ENPP2: variants seen among roughly 807,000 people sequenced by gnomAD.
ENPP2 encodes ectonucleotide pyrophosphatase/phosphodiesterase 2.
Under a neutral mutation model 120.2 loss-of-function variants are expected in ENPP2, and 51 were observed. The observed-to-expected ratio is 0.42, with a 90% CI of 0.34 to 0.54. ENPP2 has a LOEUF of 0.54. Ranked by LOEUF, ENPP2 falls within the 20% of genes least tolerant of loss-of-function variation. ENPP2 has a pLI of 0.04. For missense variants in ENPP2, 920 were observed against 1,066.5 expected, an observed-to-expected ratio of 0.86 and a Z score of 1.91; for synonymous variants, 365 against 366.4, an observed-to-expected ratio of 1.00 and a Z score of 0.04.
chr8:119,646,046 G>T (rs1437138118), intron 1 of ENPP2, among the ~76,000 whole-genome samples: 1 of 150,984 alleles, frequency 6.6e-6, no homozygotes, highest in South Asian at 2.1e-4. Context: ...TCGGCTCACC[G>T]CAGCCTCCGC....
intron 1 of ENPP2, among the ~76,000 whole-genome samples, chr8:119,660,693 T>A (rs964506): frequency 0.34 from 52,393 of 152,024 alleles, 9,257 homozygotes; most frequent in East Asian, 0.55. Flanking sequence ...ACAGCTTCAA[T>A]GAGAGTTTTG....
chr8:119,670,566 G>A (rs1050971971), intron 1 of ENPP2, among the ~76,000 whole-genome samples: 3 of 152,130 alleles, frequency 2.0e-5, no homozygotes, highest in Non-Finnish European at 4.4e-5. Flanking sequence ...TTGTAATAAA[G>A]AATGGTAAGT....
intron 1 of ENPP2, among the ~76,000 whole-genome samples, chr8:119,644,761 C>T (rs1178448138): frequency 6.6e-6 from 1 of 150,916 alleles, no homozygotes; most frequent in Non-Finnish European, 1.5e-5. Flanking sequence ...TAGGAAATAA[C>T]TCAGCTTTGT....
At chr8:119,637,539 T>C in intron 2 of ENPP2, among the ~76,000 whole-genome samples, 1 of 152,112 alleles carries the variant, frequency 6.6e-6, no homozygotes, top group East Asian at 1.9e-4. Flanking sequence ...AACAATCAGA[T>C]CAAGACATAC....
intron 14 of ENPP2, 21 bp from the exon 15 acceptor site, chr8:119,586,334 A>G: frequency 6.2e-7 from 1 of 1,612,424 alleles, no homozygotes; most frequent in Non-Finnish European, 8.5e-7. Context: ...AATGGAAATC[A>G]GACTTCAGAT....
At chr8:119,616,224 A>G in intron 8 of ENPP2, 41 bp downstream of exon 8, 1 of 1,548,550 alleles carries the variant, frequency 6.5e-7, no homozygotes, top group Non-Finnish European at 8.8e-7. Context: ...TCAATACATG[A>G]ACACACAAAC....
At chr8:119,617,316 C>T (rs201673484) in intron 6 of ENPP2, 73 bp from the exon 7 acceptor site, 13 of 1,152,740 alleles carry the variant, frequency 1.1e-5, no homozygotes, top group Non-Finnish European at 1.4e-5. Context: ...ATTTTATAAA[C>T]ACTCAGACAT....
intron 2 of ENPP2, among the ~76,000 whole-genome samples, chr8:119,635,139 A>G (rs559746517): frequency 1.3e-5 from 2 of 152,338 alleles, no homozygotes; most frequent in Non-Finnish European, 2.9e-5. Context: ...TTCTAAAATT[A>G]TCAAATGAAC....
chr8:119,619,459 T>A (rs79975070), intron 4 of ENPP2, among the ~76,000 whole-genome samples, 155 bp from the exon 5 acceptor site: 6,724 of 151,936 alleles, frequency 0.044, 219 homozygotes, highest in Admixed American at 0.11. Flanking sequence ...TAGTGTCTGG[T>A]TTGGCTTATA....
At chr8:119,607,517 T>TA (rs1371888039) in intron 9 of ENPP2, among the ~76,000 whole-genome samples, 2 of 151,716 alleles carry the variant, frequency 1.3e-5, no homozygotes, top group African/African-American at 4.8e-5. Context: ...CTACTAAAGA[T>TA]ACAAAAAATT....
rs775801866 is a variant in ENPP2 at position 119,557,584 on chromosome 8, G to A, written c.2529C>T (p.Ser843=). The A allele has an allele frequency of 1.2e-6, 2 of 1,613,068 alleles. No homozygotes were observed. Among genetic ancestry groups the A allele is most frequent in the Admixed American group, 3.3e-5 (2 of 60,020 alleles). Reference sequence around the variant, plus strand: ...GTGTCAGGATTTCTGGGTAGCTGCGGCTGGTCTTTCGGAAGAAGTCCAGGC... The same window carrying A: ...GTGTCAGGATTTCTGGGTAGCTGCGACTGGTCTTTCGGAAGAAGTCCAGGC... ...LTSLDFFRKT[S]RSYPEILTLK... Residue 843 remains serine (S), a synonymous_variant, in exon 25 of 25, where the codon AGC becomes AGT. Transcript: ENST00000075322.
chr8:119,667,438 A>G (rs903639370), intron 1 of ENPP2, among the ~76,000 whole-genome samples: 2 of 152,116 alleles, frequency 1.3e-5, no homozygotes, highest in African/African-American at 4.8e-5. Context: ...TCATTCATTC[A>G]TCCTGCCCTC....
At chr8:119,605,990 G>T (rs1814693431) in intron 9 of ENPP2, among the ~76,000 whole-genome samples, 1 of 152,162 alleles carries the variant, frequency 6.6e-6, no homozygotes, top group Non-Finnish European at 1.5e-5. Context: ...TAAAAGGCAA[G>T]AATAATTCTA....
intron 20 of ENPP2, among the ~76,000 whole-genome samples, chr8:119,569,795 G>A (rs1001118020): frequency 1.1e-4 from 16 of 147,218 alleles, no homozygotes; most frequent in South Asian, 2.2e-4. Context: ...AAGAACATAC[G>A]TATGTGTACA....
chr8:119,668,952 A>C (rs1388308323), intron 1 of ENPP2, among the ~76,000 whole-genome samples: 3 of 152,166 alleles, frequency 2.0e-5, no homozygotes, highest in Non-Finnish European at 2.9e-5. Context: ...AGTAATTTGC[A>C]ATTTAATTTT....
chr8:119,642,984 A>C (rs1817327473), upstream of ENPP2, among the ~76,000 whole-genome samples: 1 of 152,200 alleles, frequency 6.6e-6, no homozygotes, highest in African/African-American at 2.4e-5. Context: ...CTCATTATGC[A>C]GAACTGACAT....
chr8:119,666,003 T>C (rs1250679168), intron 1 of ENPP2, among the ~76,000 whole-genome samples: 1 of 152,134 alleles, frequency 6.6e-6, no homozygotes, highest in Admixed American at 6.5e-5. Flanking sequence ...TAGAATACAA[T>C]ACACCCATTG....
rs533604966 is a variant in ENPP2 at position 119,568,560 on chromosome 8, TA to T, written c.2054-309del. Among the ~76,000 whole-genome samples, 538 of 151,314 alleles carry T rather than the reference TA, an allele frequency of 3.6e-3. 5 individuals are homozygous for T. The highest frequency in any genetic ancestry group is 0.011 in the African/African-American group (457 of 41,276). ...TGATTTCATCAGTGCCATTTAGACT[TA>T]AAAAAAAATCATCAAGGTAATGAGA... On this transcript the variant is annotated intron_variant, in intron 21 of 24. Transcript: ENST00000075322.
At chr8:119,625,057 T>A (rs1816176465) in intron 3 of ENPP2, among the ~76,000 whole-genome samples, 1 of 152,182 alleles carries the variant, frequency 6.6e-6, no homozygotes, top group African/African-American at 2.4e-5. Context: ...AGGGATTCAT[T>A]ACATTTTGCA....
Sources: allele counts gnomAD v4.1 joint callset (sites outside exome capture counted in the v4.1 genomes callset), GRCh38; gene constraint gnomAD v4.1.1; transcripts MANE v1.5; gene names NCBI Gene and HGNC (gene_info 2026-07-23, HGNC 2026-07-21).